GPC3: variants seen among roughly 807,000 people sequenced by gnomAD.
GPC3 encodes the protein glypican-3.
GPC3 carries 3 observed loss-of-function variants against 34.4 expected under a neutral mutation model. The observed-to-expected ratio is 0.09, with a 90% CI of 0.04 to 0.23. The LOEUF (loss-of-function observed/expected upper bound fraction) is 0.23. GPC3 is among the 10% of genes least tolerant of loss of function. GPC3 has a pLI of 1.00. For synonymous variants in GPC3, 177 were observed against 174.0 expected (o/e 1.02, Z -0.13); for missense variants, 351 against 445.6 (o/e 0.79, Z 1.91).
chrX:133,589,461 C>G (rs759626976), intron 7 of GPC3, among the ~76,000 whole-genome samples: 19 of 111,402 alleles, frequency 1.7e-4, no homozygotes, highest in African/African-American at 6.2e-4. Flanking sequence ...ACTGCAACCT[C>G]CGCCTCCCAG....
intron 2 of GPC3, among the ~76,000 whole-genome samples, chrX:133,832,634 C>A (rs1372702060): frequency 9.0e-6 from 1 of 111,501 alleles, no homozygotes; most frequent in Non-Finnish European, 1.9e-5. Context: ...TCTCTCCACT[C>A]ATTTCTTTGT....
intron 2 of GPC3, among the ~76,000 whole-genome samples, chrX:133,944,086 G>GTATA (rs3040478): frequency 6.2e-4 from 67 of 108,152 alleles, no homozygotes; most frequent in African/African-American, 2.2e-3. Context: ...GAGAGTGTAT[G>GTATA]TATATATATA....
intron 1 of GPC3, among the ~76,000 whole-genome samples, chrX:133,965,146 C>T (rs1292647016): frequency 2.7e-5 from 3 of 110,744 alleles, no homozygotes; most frequent in South Asian, 7.8e-4. Flanking sequence ...AAGCTCTCCT[C>T]TATATGGTGG....
rs189492544 is a variant in GPC3 at position 133,555,415 on chromosome X, C to T, written c.1574-19122G>A. Reference sequence around the variant, plus strand: ...CTTCCTAAATGCTCTCATCCATGTCCCTGATTCTGTTTATCGCTGAGGATT... The same window carrying T: ...CTTCCTAAATGCTCTCATCCATGTCTCTGATTCTGTTTATCGCTGAGGATT... On this transcript the variant is annotated intron_variant, in intron 7 of 7. Transcript: ENST00000370818. Among the ~76,000 whole-genome samples, 6 of 112,778 alleles carry T rather than the reference C, an allele frequency of 5.3e-5. No homozygotes were observed. The East Asian group carries it at 1.7e-3, about 31-fold the overall frequency.
intron 5 of GPC3, among the ~76,000 whole-genome samples, chrX:133,667,197 T>C (rs1244720066): frequency 8.9e-6 from 1 of 112,332 alleles, no homozygotes; most frequent in Non-Finnish European, 1.9e-5. Flanking sequence ...TCTTTATTTT[T>C]GTGGTGAGAA....
intron 2 of GPC3, among the ~76,000 whole-genome samples, chrX:133,891,735 G>A (rs1435696358): frequency 1.9e-5 from 2 of 105,664 alleles, no homozygotes; most frequent in Non-Finnish European, 3.9e-5. Context: ...GGAGGTGGAG[G>A]CTGCAGTGAG....
chrX:133,716,549 G>A (rs1464986958), intron 3 of GPC3, among the ~76,000 whole-genome samples: 1 of 111,926 alleles, frequency 8.9e-6, no homozygotes, highest in Non-Finnish European at 1.9e-5. Context: ...GTTCATTAAT[G>A]GGGCTTAGCA....
intron 5 of GPC3, among the ~76,000 whole-genome samples, chrX:133,671,936 C>T (rs1199393826): frequency 9.0e-6 from 1 of 111,506 alleles, no homozygotes; most frequent in Non-Finnish European, 1.9e-5. Context: ...TCTATATTTC[C>T]GTTAGTAGCC....
At chrX:133,719,515 T>C (rs1309724219) in intron 3 of GPC3, among the ~76,000 whole-genome samples, 1 of 111,722 alleles carries the variant, frequency 9.0e-6, no homozygotes, top group Non-Finnish European at 1.9e-5. Flanking sequence ...TCTGTTCATG[T>C]CCTTCACCCA....
intron 2 of GPC3, among the ~76,000 whole-genome samples, chrX:133,758,886 T>C (rs1368234470): frequency 9.0e-6 from 1 of 110,929 alleles, no homozygotes; most frequent in Non-Finnish European, 1.9e-5. Context: ...AAACAGAGGA[T>C]AACTTTCTTC....
intron 2 of GPC3, among the ~76,000 whole-genome samples, chrX:133,827,880 G>A (rs1355067143): frequency 9.8e-6 from 1 of 101,728 alleles, no homozygotes; most frequent in African/African-American, 3.7e-5. Context: ...GGGAGGCGGA[G>A]GTTGCAGTGA....
At chrX:133,718,031 G>A (rs1302616712) in intron 3 of GPC3, among the ~76,000 whole-genome samples, 1 of 111,472 alleles carries the variant, frequency 9.0e-6, no homozygotes, top group East Asian at 2.8e-4. Flanking sequence ...AAGCTGCAGT[G>A]AGCCATGATT....
intron 6 of GPC3, among the ~76,000 whole-genome samples, chrX:133,650,408 A>T (rs1180286588): frequency 9.2e-6 from 1 of 108,112 alleles, no homozygotes; most frequent in Non-Finnish European, 1.9e-5. Context: ...GCAGAGTTCA[A>T]ACTTGGGAAA....
Position 133,831,703 on chromosome X carries a change from T to TCAAAACAAAA in GPC3, c.338-77537_338-77528dup, listed in dbSNP as rs751814226. 2.5e-3 allele frequency among the ~76,000 whole-genome samples: 275 copies of TCAAAACAAAA among 110,526 alleles called. 1 individual carries two copies. The highest frequency in any genetic ancestry group is 7.8e-3 in the African/African-American group (234 of 29,848). ...TGAGATCGTGCCATTGCACTCTGTC[T>TCAAAACAAAA]CAAAACAAAACAAAACAAAACAAAA... is the stretch of plus-strand genomic sequence containing the variant. On this transcript the variant is annotated intron_variant, in intron 2 of 7. Coordinates refer to ENST00000370818, the MANE Select transcript of GPC3 (RefSeq NM_004484.4).
intron 6 of GPC3, among the ~76,000 whole-genome samples, chrX:133,626,199 A>C (rs1234749029): frequency 8.9e-6 from 1 of 112,210 alleles, no homozygotes; most frequent in East Asian, 2.8e-4. Flanking sequence ...TTAGACCTAA[A>C]ATCATAAAAA....
At chrX:133,763,704 T>C in intron 2 of GPC3, 1 of 515,860 alleles carries the variant, frequency 1.9e-6, no homozygotes, top group Non-Finnish European at 3.4e-6. Context: ...TATCAGCTCT[T>C]AAGCAACATG....
At chrX:133,936,864 T>C (rs761968168) in intron 2 of GPC3, among the ~76,000 whole-genome samples, 3 of 111,730 alleles carry the variant, frequency 2.7e-5, no homozygotes, top group African/African-American at 6.5e-5. Context: ...TTATTCCTAA[T>C]GGAGAATTTA....
intron 4 of GPC3, among the ~76,000 whole-genome samples, chrX:133,696,566 T>C (rs1340995782): frequency 8.9e-6 from 1 of 112,619 alleles, no homozygotes; most frequent in Non-Finnish European, 1.9e-5. Context: ...CTAAGTGACA[T>C]GTTAATTACC....
chrX:133,860,168 A>G (rs1177780883), intron 2 of GPC3, among the ~76,000 whole-genome samples: 1 of 111,497 alleles, frequency 9.0e-6, no homozygotes, highest in African/African-American at 3.3e-5. Flanking sequence ...ATCATATCCA[A>G]ACCGCTGCAT....
Sources: gnomAD v4.1 joint callset for allele counts (sites outside exome capture counted in the v4.1 genomes callset) on GRCh38, gnomAD v4.1.1 for gene constraint, MANE v1.5 for transcripts, NCBI Gene and HGNC (gene_info 2026-07-23, HGNC 2026-07-21) for gene names.